Variants in ENO2 observed in about 807,000 individuals in gnomAD.
ENO2 encodes the protein gamma-enolase.
ENO2 carries 19 observed loss-of-function variants against 48.7 expected under a neutral mutation model. The observed-to-expected ratio is 0.39, with a 90% CI of 0.27 to 0.57. ENO2 has a LOEUF of 0.57. Ranked by LOEUF, ENO2 falls within the 20% of genes least tolerant of loss-of-function variation. The pLI is 0.58. For synonymous variants in ENO2, 198 were observed against 213.4 expected, an observed-to-expected ratio of 0.93 and a Z score of 0.63; for missense variants, 416 against 555.0, an observed-to-expected ratio of 0.75 and a Z score of 2.52.
chr12:6,920,717 CTTTTTTTTTTTTTT>C (rs781865832), intron 8 of ENO2, among the ~76,000 whole-genome samples: 1 of 95,144 alleles, frequency 1.1e-5, no homozygotes, highest in African/African-American at 4.3e-5. Flanking sequence ...TTTTAATTAA[CTTTTTTTTTTTTTT>C]TTTTTTTTTG....
Position 6,917,705 on chromosome 12 carries a change from G to T in ENO2, c.435G>T (p.Leu145=), listed in dbSNP as rs781880688. ...AQLAGNSDLI[L]PVPAFNVING... is the part of the protein sequence containing the mutation. The stretch of plus-strand genomic sequence containing the variant: ...TGGCCGGGAACTCAGACCTCATCCT[G>T]CCTGTGCCGGTGAGCAATAAGCCAG... The change falls in exon 6 of 12, where the codon CTG becomes CTT. Residue 145 remains leucine, a synonymous_variant. Coordinates refer to ENST00000229277, the MANE Select transcript of ENO2 (RefSeq NM_001975.3). 38 of 1,413,368 alleles carry T rather than the reference G, an allele frequency of 2.7e-5. No homozygotes were observed. In the South Asian group the frequency reaches 3.8e-4, roughly 14 times the overall value. The allele number at this position is 1,413,368 out of a possible 1,614,324, so 87.6% of individuals were successfully genotyped here.
At chr12:6,919,848 A>T in intron 8 of ENO2, 85 bp downstream of exon 8, 1 of 1,441,438 alleles carries the variant, frequency 6.9e-7, no homozygotes, top group Non-Finnish European at 9.6e-7. Context: ...GTGCTGACTC[A>T]GGCACCAGGT....
In ENO2 at chr12:6,923,187, C is replaced by A; in HGVS notation, c.*387C>A. The A allele has an allele frequency of 4.1e-6, 1 of 245,622 alleles. No individual in the cohort carries two copies. The highest frequency in any genetic ancestry group is 8.2e-6 in the Non-Finnish European group (1 of 121,522). 15.2% of individuals were successfully genotyped at this position (245,622 alleles called of 1,614,324 possible). Reference sequence around the variant, plus strand: ...TGTCACTTGTGCTTTGCTCTTGTCCCACGTGTCTTCCACTTTGCATATGAG... The same window carrying A: ...TGTCACTTGTGCTTTGCTCTTGTCCAACGTGTCTTCCACTTTGCATATGAG... On this transcript the variant is annotated 3_prime_UTR_variant, in exon 12 of 12. Coordinates refer to ENST00000229277, the MANE Select transcript of ENO2 (RefSeq NM_001975.3).
chr12:6,920,130 T>C (rs1591653130), intron 8 of ENO2, among the ~76,000 whole-genome samples: 1 of 152,018 alleles, frequency 6.6e-6, no homozygotes, highest in African/African-American at 2.4e-5. Flanking sequence ...TGAATGGAGC[T>C]GGGACTGATG....
chr12:6,919,708 C>T lies in ENO2; in HGVS notation c.810C>T (p.Tyr270=). 6.2e-7 allele frequency: 1 copy of T among 1,614,070 alleles called. No homozygotes were observed. The highest frequency in any genetic ancestry group is 8.5e-7 in the Non-Finnish European group (1 of 1,180,040). ...DFKSPTDPSR[Y]ITGDQLGALY... The stretch of plus-strand genomic sequence containing the variant: ...AGTCTCCCACTGATCCTTCCCGATA[C>T]ATCACTGGGGACCAGCTGGGGGCAC... The change falls in exon 8 of 12, where the codon TAC becomes TAT. Residue 270 remains tyrosine, a synonymous_variant. Coordinates refer to ENST00000229277, the MANE Select transcript of ENO2 (RefSeq NM_001975.3).
At chr12:6,921,390 CAA>C (rs59941048) in intron 8 of ENO2, 189 bp from the exon 9 acceptor site, 6,111 of 479,030 alleles carry the variant, frequency 0.013, no homozygotes, top group South Asian at 0.018. Flanking sequence ...GAGGCTCTGT[CAA>C]AAAAAAAAAA....
intron 8 of ENO2, 36 bp from the exon 9 acceptor site, chr12:6,921,545 A>T (rs782750071): frequency 6.2e-7 from 1 of 1,606,738 alleles, no homozygotes; most frequent in East Asian, 2.2e-5. Flanking sequence ...AGGGAAGATG[A>T]ACACCTCCCC....
Position 6,922,285 on chromosome 12 carries a change from G to A in ENO2, c.1177-59G>A. ...TCAGGGGAGTTTCAGGAGAGCAGAA[G>A]TTTCCTTTCAGGGGTGAGAGGGCAG... On this transcript the variant is annotated intron_variant, in intron 10 of 11. Transcript: ENST00000229277. This position sits in a 1 kb window ranked among gnomAD's most constrained non-coding sequence, Gnocchi z 5.3. The A allele has an allele frequency of 1.2e-6, 2 of 1,613,446 alleles. No homozygotes were observed. Among genetic ancestry groups the A allele is most frequent in the Non-Finnish European group, 1.7e-6 (2 of 1,179,404 alleles).
Position 6,922,735 on chromosome 12 carries a change from G to T in ENO2, c.1240G>T (p.Glu414Ter), listed in dbSNP as rs782180761. 6.2e-7 allele frequency: 1 copy of T among 1,614,132 alleles called. No homozygotes were observed. The highest frequency in any genetic ancestry group is 8.5e-7 in the Non-Finnish European group (1 of 1,180,018). The change falls in exon 12 of 12, where the codon GAG (glutamate) becomes TAG (stop). Residue 414 changes from glutamate to a stop codon, truncating the protein, a stop_gained. Coordinates refer to ENST00000229277, the MANE Select transcript of ENO2 (RefSeq NM_001975.3). LOFTEE classifies it high-confidence loss of function. This position sits in a 1 kb window ranked among gnomAD's most constrained non-coding sequence, Gnocchi z 5.3. ...LAKYNQLMRI[E>*]EELGDEARFA... is the part of the protein sequence containing the mutation. ...TTTGTGGTTCATCTCTCTCAGAATT[G>T]AGGAAGAGCTGGGGGATGAAGCTCG... is the stretch of plus-strand genomic sequence containing the variant.
At position 6,922,850 on chromosome 12, in the gene ENO2, C is replaced by G; in HGVS notation, c.*50C>G. ...GAACCTCTGTCTCATCCTCCTGGAACCTTGCTGTCCTGATCTGTGATAGTT... is the reference window on the plus strand; with the variant it reads ...GAACCTCTGTCTCATCCTCCTGGAAGCTTGCTGTCCTGATCTGTGATAGTT... On this transcript the variant is annotated 3_prime_UTR_variant, in exon 12 of 12. Coordinates refer to ENST00000229277, the MANE Select transcript of ENO2 (RefSeq NM_001975.3). The surrounding 1 kb of genome is among the most constrained non-coding windows in gnomAD (Gnocchi z 5.3). 1 of 1,599,640 alleles carries G rather than the reference C, an allele frequency of 6.3e-7. No homozygotes were observed. The highest frequency in any genetic ancestry group is 8.6e-7 in the Non-Finnish European group (1 of 1,167,698).
intron 7 of ENO2, among the ~76,000 whole-genome samples, chr12:6,918,854 T>C (rs1422725897): frequency 6.6e-6 from 1 of 151,580 alleles, no homozygotes; most frequent in Non-Finnish European, 1.5e-5. Context: ...TGGTGGCGTG[T>C]GCCTGTAATC....
chr12:6,915,858 G>A lies in ENO2; in HGVS notation c.26G>A (p.Arg9Gln). Residue 9 changes from arginine to glutamine, a missense_variant, in exon 2 of 12, where the codon CGG (arginine) becomes CAG (glutamine). Transcript: ENST00000229277. Reference sequence around the variant, plus strand: ...ATGTCCATAGAGAAGATCTGGGCCCGGGAGATCCTGGACTCCCGCGGGAAC... The same window carrying A: ...ATGTCCATAGAGAAGATCTGGGCCCAGGAGATCCTGGACTCCCGCGGGAAC... MSIEKIWA[R>Q]EILDSRGNPT... 6.2e-7 allele frequency: 1 copy of A among 1,613,920 alleles called. No individual in the cohort carries two copies. Among genetic ancestry groups the A allele is most frequent in the Non-Finnish European group, 8.5e-7 (1 of 1,179,936 alleles).
Position 6,916,989 on chromosome 12 carries a change from A to C in ENO2, c.241-49A>C, listed in dbSNP as rs1945297195. ...TGTGAATGAGGGGACCCTCTGCCTT[A>C]GGGCTCAGCCTCCAGCCTGGCCCTG... On this transcript the variant is annotated intron_variant, in intron 4 of 11. Transcript: ENST00000229277. The surrounding 1 kb of genome is among the most constrained non-coding windows in gnomAD (Gnocchi z 4.5). 6.2e-7 allele frequency: 1 copy of C among 1,611,964 alleles called. No individual in the cohort carries two copies.
chr12:6,921,597 C>T lies in ENO2; in HGVS notation c.882C>T (p.Asp294=), dbSNP rs1005359464. Residue 294 remains aspartate (D), a synonymous_variant, in exon 9 of 12, where the codon GAC becomes GAT. Transcript: ENST00000229277. The part of the protein sequence containing the change: ...VRDYPVVSIE[D]PFDQDDWAAW... ...TCTCTGCAGTGGTCTCCATTGAGGA[C>T]CCATTTGACCAGGATGATTGGGCTG... 6.2e-7 allele frequency: 1 copy of T among 1,614,078 alleles called. No homozygotes were observed. Among genetic ancestry groups the T allele is most frequent in the African/African-American group, 1.3e-5 (1 of 74,994 alleles).
rs782162349 is a variant in ENO2 at position 6,917,052 on chromosome 12, G to A, written c.255G>A (p.Val85=). ...PALISSGLSV[V]EQEKLDNLML... is the part of the protein sequence containing the mutation. The stretch of plus-strand genomic sequence containing the variant: ...TCTGCCCTCAGGGTCTCTCTGTGGT[G>A]GAGCAAGAGAAACTGGACAACCTGA... Residue 85 remains valine (V), a synonymous_variant, in exon 5 of 12, where the codon GTG becomes GTA. Transcript: ENST00000229277. 5.0e-6 allele frequency: 8 copies of A among 1,614,050 alleles called. No homozygotes were observed. In the African/African-American group the frequency reaches 1.1e-4, roughly 22 times the overall value.
Position 6,917,599 on chromosome 12 carries a change from C to T in ENO2, c.329C>T (p.Ala110Val). 2 of 1,613,108 alleles carry T rather than the reference C, an allele frequency of 1.2e-6. No individual in the cohort carries two copies. The highest frequency in any genetic ancestry group is 8.5e-7 in the Non-Finnish European group (1 of 1,179,484). Residue 110 changes from alanine to valine, a missense_variant, in exon 6 of 12, where the codon GCC becomes GTC. Ala to Val is a moderately conservative substitution (Grantham distance 64). Coordinates refer to ENST00000229277, the MANE Select transcript of ENO2 (RefSeq NM_001975.3). ...CTCCTAGCCAAGTTTGGGGCCAATG[C>T]CATCCTGGGTGTGTCTCTGGCCGTG... ...TENKSKFGAN[A>V]ILGVSLAVCK...
chr12:6,917,894 G>C, intron 6 of ENO2, 46 bp from the exon 7 acceptor site: 1 of 1,601,438 alleles, frequency 6.2e-7, no homozygotes. Context: ...CCTGGGGCGG[G>C]CAGGGAGGGG....
rs782364280 is a variant in ENO2, at chr12:6,916,672, T to G, written c.183T>G (p.Gly61=). ...AGTCCAGCCTCTTCCTTTCCCCAGG[T>G]GTCCTGAAGGCAGTGGACCACATCA... ...DGDKQRYLGK[G]VLKAVDHINS... The change falls in exon 4 of 12, where the codon GGT becomes GGG. Residue 61 remains glycine, a splice_region_variant and synonymous_variant. Transcript: ENST00000229277. The surrounding 1 kb of genome is among the most constrained non-coding windows in gnomAD (Gnocchi z 4.5). The G allele has an allele frequency of 6.2e-7, 1 of 1,614,008 alleles. No individual in the cohort carries two copies. Among genetic ancestry groups the G allele is most frequent in the Non-Finnish European group, 8.5e-7 (1 of 1,180,018 alleles).
At chr12:6,919,219 T>C (rs1555141897) in intron 7 of ENO2, among the ~76,000 whole-genome samples, 1 of 152,252 alleles carries the variant, frequency 6.6e-6, no homozygotes, top group Non-Finnish European at 1.5e-5. Flanking sequence ...TGGATTTATT[T>C]GAACCTTGAC....
Sources: gnomAD v4.1 joint callset for allele counts (sites outside exome capture counted in the v4.1 genomes callset) on GRCh38, gnomAD v4.1.1 for gene constraint, Gnocchi (gnomAD v3.1) non-coding constraint, MANE v1.5 for transcripts, NCBI Gene and HGNC (gene_info 2026-07-23, HGNC 2026-07-21) for gene names.